CSMD3: variants seen among roughly 807,000 people sequenced by gnomAD.
CSMD3 encodes the protein CUB and sushi domain-containing protein 3.
CSMD3 carries 177 observed loss-of-function variants against 435.2 expected under a neutral mutation model. The observed-to-expected ratio is 0.41, with a 90% CI of 0.36 to 0.46. The LOEUF is 0.46. CSMD3 is among the 20% of genes least tolerant of loss of function. CSMD3 has a pLI of 0.34. For missense variants in CSMD3, 4,265 were observed against 4,504.6 expected, an observed-to-expected ratio of 0.95 and a Z score of 1.52; for synonymous variants, 1,656 against 1,520.5, an observed-to-expected ratio of 1.09 and a Z score of -2.07.
intron 22 of CSMD3, among the ~76,000 whole-genome samples, chr8:112,592,813 G>A (rs1041348853): frequency 6.6e-6 from 1 of 151,982 alleles, no homozygotes; most frequent in African/African-American, 2.4e-5. Context: ...ACCGTATTAG[G>A]TCTTGGGGAT....
At chr8:112,411,011 A>G (rs1006474064) in intron 32 of CSMD3, among the ~76,000 whole-genome samples, 1 of 97,338 alleles carries the variant, frequency 1.0e-5, no homozygotes, top group African/African-American at 2.8e-5. Flanking sequence ...TCTTTCTATT[A>G]GAAAACATGC....
chr8:112,432,672 T>A (rs970596586), intron 32 of CSMD3, among the ~76,000 whole-genome samples: 2 of 151,912 alleles, frequency 1.3e-5, no homozygotes, highest in Non-Finnish European at 2.9e-5. Context: ...ACTAGTAAGG[T>A]ATAGGATAGG....
At chr8:112,436,753 T>C (rs1700399697) in intron 32 of CSMD3, among the ~76,000 whole-genome samples, 2 of 152,064 alleles carry the variant, frequency 1.3e-5, no homozygotes, top group Admixed American at 6.6e-5. Context: ...GTAGTAATTG[T>C]TTATTTCTAG....
chr8:113,280,220 G>A (rs2093603285), intron 2 of CSMD3, among the ~76,000 whole-genome samples: 2 of 151,746 alleles, frequency 1.3e-5, no homozygotes, highest in Non-Finnish European at 2.9e-5. Context: ...TCTGTCTTGT[G>A]GAATAGTGTC....
At chr8:112,430,882 G>T (rs535399048) in intron 32 of CSMD3, among the ~76,000 whole-genome samples, 10 of 122,594 alleles carry the variant, frequency 8.2e-5, no homozygotes, top group African/African-American at 3.2e-4. Flanking sequence ...GTTGTTACGG[G>T]TGTTTGTGTG....
chr8:112,715,824 C>G (rs530913287), intron 13 of CSMD3, among the ~76,000 whole-genome samples: 2 of 152,096 alleles, frequency 1.3e-5, no homozygotes, highest in Non-Finnish European at 2.9e-5. Context: ...TGACGAAAAC[C>G]ACATGATTAT....
chr8:113,001,323 A>T (rs1167081416), intron 6 of CSMD3, among the ~76,000 whole-genome samples: 8 of 152,060 alleles, frequency 5.3e-5, no homozygotes, highest in African/African-American at 1.9e-4. Context: ...TATTTCAGAT[A>T]ACTCTCACTT....
At chr8:112,427,728 A>G (rs1341811580) in intron 32 of CSMD3, among the ~76,000 whole-genome samples, 1 of 152,146 alleles carries the variant, frequency 6.6e-6, no homozygotes, top group African/African-American at 2.4e-5. Flanking sequence ...TTCATCCTAC[A>G]GTATATCTTT....
intron 59 of CSMD3, among the ~76,000 whole-genome samples, chr8:112,275,365 T>A (rs1563724679): frequency 6.6e-6 from 1 of 151,970 alleles, no homozygotes. Flanking sequence ...CTGATCAACA[T>A]GGCGAAACCC....
intron 32 of CSMD3, among the ~76,000 whole-genome samples, chr8:112,462,860 A>G (rs1199421621): frequency 1.3e-5 from 2 of 152,280 alleles, no homozygotes; most frequent in African/African-American, 2.4e-5. Context: ...AGTTTAAATC[A>G]TGCAAGCACT....
intron 9 of CSMD3, among the ~76,000 whole-genome samples, chr8:112,930,570 T>C (rs1210605941): frequency 6.6e-6 from 1 of 152,044 alleles, no homozygotes; most frequent in African/African-American, 2.4e-5. Context: ...TCCAAAATGA[T>C]CAAGTTTATT....
At chr8:113,189,153 T>A (rs2092549934) in intron 3 of CSMD3, among the ~76,000 whole-genome samples, 1 of 151,910 alleles carries the variant, frequency 6.6e-6, no homozygotes, top group Non-Finnish European at 1.5e-5. Flanking sequence ...ACATTTAGAA[T>A]GTATTTTACC....
At chr8:113,356,848 T>C (rs2132953009) in intron 1 of CSMD3, among the ~76,000 whole-genome samples, 1 of 152,194 alleles carries the variant, frequency 6.6e-6, no homozygotes, top group Non-Finnish European at 1.5e-5. Context: ...ATTCTAAAAA[T>C]GCAAGCAAAA....
chr8:112,743,589 C>T (rs925349262), intron 13 of CSMD3, among the ~76,000 whole-genome samples: 6 of 151,610 alleles, frequency 4.0e-5, no homozygotes, highest in Non-Finnish European at 7.4e-5. Context: ...TGGGAAATAC[C>T]AAAATAGATA....
chr8:112,575,170 T>C (rs1243220670), intron 23 of CSMD3, among the ~76,000 whole-genome samples: 2 of 152,040 alleles, frequency 1.3e-5, no homozygotes, highest in Non-Finnish European at 2.9e-5. Context: ...GTTAAGGTTA[T>C]GCCAAATTTT....
chr8:113,143,534 C>T (rs2091599802), intron 4 of CSMD3, among the ~76,000 whole-genome samples: 1 of 151,400 alleles, frequency 6.6e-6, no homozygotes, highest in African/African-American at 2.4e-5. Flanking sequence ...ATAGCCAAAA[C>T]TGTAAACAGT....
chr8:112,978,248 T>A lies in CSMD3; in HGVS notation c.1031-2100A>T, dbSNP rs190042689. ...ATAATGGAATTTATACTATGTCACA[T>A]GTCTGAGCACGCCTACCTTTACCAA... On this transcript the variant is annotated intron_variant, in intron 6 of 70. Coordinates refer to ENST00000297405, the MANE Select transcript of CSMD3 (RefSeq NM_198123.2). Among the ~76,000 whole-genome samples the A allele has an allele frequency of 3.6e-3, 549 of 152,166 alleles. 8 individuals are homozygous for A. Among genetic ancestry groups the A allele is most frequent in the African/African-American group, 0.013 (525 of 41,540 alleles).
rs1374065115 is a variant in CSMD3 at position 112,525,786 on chromosome 8, ATATATATATG to A, written c.4565-8571_4565-8562del. ...TATATATATATTTATATGTGTGTGT[ATATATATATG>A]TATATATATATATACACACACATAT... On this transcript the variant is annotated intron_variant, in intron 27 of 70. Transcript: ENST00000297405. Among the ~76,000 whole-genome samples, 3 of 137,658 alleles carry A rather than the reference ATATATATATG, an allele frequency of 2.2e-5. No individual in the cohort carries two copies. In the East Asian group the frequency reaches 6.1e-4, roughly 28 times the overall value. 90.3% of individuals were successfully genotyped at this position (137,658 alleles called of 152,430 possible). A position where few individuals can be genotyped will look rare whatever the true frequency, so the allele number is the denominator to read the frequency against.
chr8:112,536,063 A>C (rs986589613), intron 27 of CSMD3, among the ~76,000 whole-genome samples: 4 of 152,202 alleles, frequency 2.6e-5, no homozygotes, highest in African/African-American at 9.6e-5. Context: ...TAAAACCATA[A>C]AAACCCTAGA....
Sources: gnomAD v4.1 joint callset for allele counts (sites outside exome capture counted in the v4.1 genomes callset) on GRCh38, gnomAD v4.1.1 for gene constraint, MANE v1.5 for transcripts, NCBI Gene and HGNC (gene_info 2026-07-23, HGNC 2026-07-21) for gene names.